PBLD: variants seen among roughly 807,000 people sequenced by gnomAD.
PBLD encodes the protein phenazine biosynthesis like protein domain containing.
Under a neutral mutation model 31.3 loss-of-function variants are expected in PBLD, and 26 were observed. The ratio of observed to expected loss-of-function variants is 0.83; its 90% confidence interval spans 0.61 to 1.15. PBLD has a LOEUF of 1.15. Among genes scored for constraint, PBLD ranks in the 50% most tolerant of loss-of-function variants. The probability of loss-of-function intolerance (pLI) is 0.00; values close to 1 mark genes in which losing one functional copy is unlikely to be tolerated. For missense variants in PBLD, 307 were observed against 351.7 expected, an observed-to-expected ratio of 0.87 and a Z score of 1.02; for synonymous variants, 114 against 129.0, an observed-to-expected ratio of 0.88 and a Z score of 0.79.
At chr10:68,311,976 T>C (rs1374169931) in intron 1 of PBLD, among the ~76,000 whole-genome samples, 1 of 152,254 alleles carries the variant, frequency 6.6e-6, no homozygotes, top group Non-Finnish European at 1.5e-5. Flanking sequence ...AAATTCAAAA[T>C]TCAAAGTACT....
chr10:68,285,484 T>C (rs920315104), intron 8 of PBLD, 74 bp from the exon 9 acceptor site: 1 of 1,527,374 alleles, frequency 6.5e-7, no homozygotes, highest in African/African-American at 1.4e-5. Context: ...TTCTAAGCAA[T>C]TACAATCAAT....
chr10:68,292,298 T>C, intron 4 of PBLD, 60 bp from the exon 5 acceptor site: 1 of 1,365,858 alleles, frequency 7.3e-7, no homozygotes, highest in Non-Finnish European at 1.0e-6. Context: ...CGCATGTCCA[T>C]TTCAAACACC....
chr10:68,311,515 G>A (rs891979790), intron 1 of PBLD, among the ~76,000 whole-genome samples: 1 of 152,028 alleles, frequency 6.6e-6, no homozygotes, highest in East Asian at 1.9e-4. Context: ...GAACCTGGGA[G>A]GCGGGGCTTG....
intron 9 of PBLD, 125 bp from the exon 10 acceptor site, chr10:68,284,414 C>T: frequency 2.5e-6 from 2 of 805,692 alleles, no homozygotes; most frequent in Non-Finnish European, 2.0e-6. Flanking sequence ...ATTCCTTCGT[C>T]TGTTTATGGT....
chr10:68,332,376 C>T (rs1156750721), intron 1 of PBLD: 3 of 152,234 alleles, frequency 2.0e-5, no homozygotes, highest in Admixed American at 1.3e-4. Flanking sequence ...CCGACCATCT[C>T]CCACTTCAGG....
intron 4 of PBLD, among the ~76,000 whole-genome samples, chr10:68,295,763 C>G (rs1006267184): frequency 2.0e-5 from 3 of 152,036 alleles, no homozygotes; most frequent in African/African-American, 7.2e-5. Context: ...ACCAGCCTGG[C>G]CAACATGGTA....
chr10:68,297,422 A>T (rs2044444818), intron 2 of PBLD, among the ~76,000 whole-genome samples: 1 of 152,196 alleles, frequency 6.6e-6, no homozygotes, highest in African/African-American at 2.4e-5. Flanking sequence ...TTTCATGGGA[A>T]GGGCTTCAGG....
Position 68,296,884 on chromosome 10 carries a change from A to G in PBLD, c.184+2T>C. 1 of 1,608,158 alleles carries G rather than the reference A, an allele frequency of 6.2e-7. No individual in the cohort carries two copies. Among genetic ancestry groups the G allele is most frequent in the South Asian group, 1.1e-5 (1 of 90,784 alleles). ...TCTTAAAAAAAAAAAATGCATATTT[A>G]CTTTGTGCAAAGTTGTCTGTCGGGT... On this transcript the variant is annotated splice_donor_variant, in intron 3 of 9. Transcript: ENST00000358769. LOFTEE classifies it high-confidence loss of function.
At chr10:68,306,984 G>T in intron 1 of PBLD, 81 bp from the exon 2 acceptor site, 2 of 614,360 alleles carry the variant, frequency 3.3e-6, no homozygotes, top group Non-Finnish European at 2.9e-6. Context: ...ACAAAGTCAA[G>T]CAATTATTCA....
At chr10:68,302,418 A>AAT (rs1253383764) in intron 2 of PBLD, among the ~76,000 whole-genome samples, 1 of 152,228 alleles carries the variant, frequency 6.6e-6, no homozygotes, top group Non-Finnish European at 1.5e-5. Flanking sequence ...TGGCAACCTG[A>AAT]ATATGACAGT....
At chr10:68,309,805 CAA>C (rs757212310) in intron 1 of PBLD, among the ~76,000 whole-genome samples, 5 of 131,866 alleles carry the variant, frequency 3.8e-5, no homozygotes, top group Admixed American at 1.6e-4. Context: ...GACTCCGTCT[CAA>C]AAAAAAAAAA....
chr10:68,285,530 A>G lies in PBLD; in HGVS notation c.692-120T>C, dbSNP rs1191786103. On this transcript the variant is annotated intron_variant, in intron 8 of 9. Coordinates refer to ENST00000358769, the MANE Select transcript of PBLD (RefSeq NM_022129.4). ...GAATAAACTCTAGATCACCTAAATCATTATGTTGGCCAGGCCACAGCAGGG... is the reference window on the plus strand; with the variant it reads ...GAATAAACTCTAGATCACCTAAATCGTTATGTTGGCCAGGCCACAGCAGGG... The G allele has an allele frequency of 9.4e-6, 13 of 1,376,040 alleles. No homozygotes were observed. The East Asian group carries it at 2.9e-4, about 30-fold the overall frequency. The allele number at this position is 1,376,040 out of a possible 1,614,324, so 85.2% of individuals were successfully genotyped here.
chr10:68,319,191 G>GAA (rs771812799), intron 1 of PBLD, among the ~76,000 whole-genome samples: 3 of 137,134 alleles, frequency 2.2e-5, no homozygotes, highest in African/African-American at 8.2e-5. Flanking sequence ...GATGGAGAGT[G>GAA]AAAAAAAAAA....
chr10:68,296,465 A>G lies in PBLD; in HGVS notation c.185-101T>C, dbSNP rs531360235. The G allele has an allele frequency of 9.9e-6, 8 of 808,172 alleles. No homozygotes were observed. In the African/African-American group the frequency reaches 1.0e-4, roughly 10 times the overall value. The allele number at this position is 808,172 out of a possible 1,614,324, so 50.1% of individuals were successfully genotyped here. ...TCCTATATAGTTCTCTAGCATGATG[A>G]GTAGCCAAAACATGTTGTAAAAGGA... On this transcript the variant is annotated intron_variant, in intron 3 of 9. Coordinates refer to ENST00000358769, the MANE Select transcript of PBLD (RefSeq NM_022129.4).
At chr10:68,289,316 T>C (rs2044327288) in intron 6 of PBLD, among the ~76,000 whole-genome samples, 1 of 151,846 alleles carries the variant, frequency 6.6e-6, no homozygotes, top group Non-Finnish European at 1.5e-5. Flanking sequence ...TCACCTGAGG[T>C]CAGGAGCTCG....
intron 1 of PBLD, among the ~76,000 whole-genome samples, chr10:68,316,170 C>T (rs1365565010): frequency 6.6e-6 from 1 of 151,968 alleles, no homozygotes; most frequent in Non-Finnish European, 1.5e-5. Context: ...GCTTACTAGA[C>T]AAGAACATTA....
At chr10:68,300,630 G>T (rs2044493157) in intron 2 of PBLD, among the ~76,000 whole-genome samples, 1 of 72,952 alleles carries the variant, frequency 1.4e-5, no homozygotes, top group Non-Finnish European at 3.5e-5. Context: ...AAACCCTTGT[G>T]TATAAGCCAT....
At chr10:68,294,797 G>A (rs1383721055) in intron 4 of PBLD, among the ~76,000 whole-genome samples, 31 of 152,052 alleles carry the variant, frequency 2.0e-4, no homozygotes, top group Admixed American at 1.7e-3. Flanking sequence ...GCACAATCTC[G>A]GCTCACTGCA....
intron 2 of PBLD, chr10:68,297,206 G>A: frequency 1.9e-6 from 1 of 539,858 alleles, no homozygotes; most frequent in Non-Finnish European, 3.3e-6. Context: ...GTGCAAGCTG[G>A]AATAGACTGT....
Sources: allele counts gnomAD v4.1 joint callset (sites outside exome capture counted in the v4.1 genomes callset), GRCh38; gene constraint gnomAD v4.1.1; transcripts MANE v1.5; gene names NCBI Gene and HGNC (gene_info 2026-07-23, HGNC 2026-07-21).